The following GRIK4 variants were observed in gnomAD, a reference collection of about 807,000 sequenced individuals.
GRIK4 encodes the protein glutamate ionotropic receptor kainate type subunit 4.
Under a neutral mutation model 104.9 loss-of-function variants are expected in GRIK4, and 40 were observed. The observed-to-expected ratio is 0.38, with a 90% CI of 0.30 to 0.50. The LOEUF (loss-of-function observed/expected upper bound fraction) is 0.50, where lower values mean the gene tolerates loss of function less well. GRIK4 is among the 20% of genes least tolerant of loss of function. The pLI is 0.93. For synonymous variants in GRIK4, 485 were observed against 524.9 expected (o/e 0.92, Z 1.04); for missense variants, 1,047 against 1,308.1 (o/e 0.80, Z 3.08).
chr11:120,977,491 C>T (rs767959737), intron 19 of GRIK4, among the ~76,000 whole-genome samples: 28 of 152,184 alleles, frequency 1.8e-4, no homozygotes, highest in African/African-American at 3.6e-4. Context: ...GGAACTGCTG[C>T]GCTCTCCGAA....
chr11:120,680,264 G>A (rs146388328), intron 3 of GRIK4, among the ~76,000 whole-genome samples: 1,719 of 152,328 alleles, frequency 0.011, 26 homozygotes, highest in Middle Eastern at 0.031. Context: ...TTTTAGTAGA[G>A]ATGGGGTTTT....
chr11:120,948,917 C>T (rs1161555355), intron 14 of GRIK4, among the ~76,000 whole-genome samples: 2 of 152,110 alleles, frequency 1.3e-5, no homozygotes, highest in Admixed American at 6.5e-5. Flanking sequence ...GAAACAGAGA[C>T]CTAGAGGTTA....
At chr11:120,766,171 A>T (rs1027165099) in intron 3 of GRIK4, among the ~76,000 whole-genome samples, 1 of 152,152 alleles carries the variant, frequency 6.6e-6, no homozygotes, top group Non-Finnish European at 1.5e-5. Context: ...GAATCTAGAG[A>T]GGCAGTCTGC....
At chr11:120,831,732 TG>T in intron 6 of GRIK4, 119 bp from the exon 7 acceptor site, 1 of 680,438 alleles carries the variant, frequency 1.5e-6, no homozygotes, top group Non-Finnish European at 2.6e-6. Flanking sequence ...ATGCTGTCAG[TG>T]GGGCCAGACC....
intron 3 of GRIK4, among the ~76,000 whole-genome samples, chr11:120,677,547 C>T (rs1950119307): frequency 6.6e-6 from 1 of 152,198 alleles, no homozygotes; most frequent in Non-Finnish European, 1.5e-5. Flanking sequence ...CTGTTTAGGG[C>T]TCAGCTCTAT....
intron 2 of GRIK4, among the ~76,000 whole-genome samples, chr11:120,657,597 T>C (rs1949732619): frequency 6.6e-6 from 1 of 152,238 alleles, no homozygotes. Context: ...ATCCCAGGCC[T>C]AGACGCATAA....
chr11:120,826,071 C>T (rs1953251093), intron 6 of GRIK4, among the ~76,000 whole-genome samples: 1 of 152,230 alleles, frequency 6.6e-6, no homozygotes, highest in African/African-American at 2.4e-5. Context: ...ACGTGCCCAA[C>T]ACCATGCTAA....
intron 3 of GRIK4, among the ~76,000 whole-genome samples, chr11:120,770,357 T>G (rs1180537391): frequency 6.6e-6 from 1 of 152,192 alleles, no homozygotes; most frequent in Non-Finnish European, 1.5e-5. Context: ...AACTGGGAAG[T>G]CACCCAAAGT....
chr11:120,661,303 G>C (rs1318860589), intron 3 of GRIK4, among the ~76,000 whole-genome samples: 1 of 152,156 alleles, frequency 6.6e-6, no homozygotes, highest in Admixed American at 6.5e-5. Context: ...AACCCAGAAA[G>C]GTAGGTTGAT....
intron 11 of GRIK4, among the ~76,000 whole-genome samples, chr11:120,886,563 G>A (rs1191853020): frequency 6.6e-6 from 1 of 152,182 alleles, no homozygotes; most frequent in East Asian, 1.9e-4. Context: ...AAAGCACCAT[G>A]ACCAGAGGCT....
chr11:120,533,329 G>A (rs1947940941), intron 1 of GRIK4, among the ~76,000 whole-genome samples: 1 of 152,138 alleles, frequency 6.6e-6, no homozygotes, highest in African/African-American at 2.4e-5. Context: ...ACTAAGCATT[G>A]GGCAGAGTTC....
chr11:120,778,973 C>G (rs1952096150), intron 3 of GRIK4, among the ~76,000 whole-genome samples: 1 of 152,190 alleles, frequency 6.6e-6, no homozygotes, highest in South Asian at 2.1e-4. Flanking sequence ...TCTCAGGCCC[C>G]CTGCTGTTCA....
intron 8 of GRIK4, chr11:120,859,513 G>C (rs916799021): frequency 6.6e-6 from 1 of 152,206 alleles, no homozygotes; most frequent in Non-Finnish European, 1.5e-5. Context: ...CGGGCTCTGT[G>C]TGTGGGGAGA....
chr11:120,796,324 C>T (rs928006127), intron 3 of GRIK4, among the ~76,000 whole-genome samples: 2 of 152,132 alleles, frequency 1.3e-5, no homozygotes, highest in African/African-American at 4.8e-5. Flanking sequence ...CGTGAGCCAT[C>T]GTGCCTGGCC....
intron 3 of GRIK4, among the ~76,000 whole-genome samples, chr11:120,701,521 G>A (rs573386260): frequency 7.9e-5 from 12 of 152,306 alleles, no homozygotes; most frequent in East Asian, 1.9e-4. Flanking sequence ...CCACTCATCC[G>A]TTGATAGACA....
rs12224826 is a variant in GRIK4 at position 120,917,789 on chromosome 11, T to C, written c.1476+12296T>C. 8.3e-4 allele frequency among the ~76,000 whole-genome samples: 127 copies of C among 152,340 alleles called. 1 individual carries two copies. In the East Asian group the frequency reaches 0.017, roughly 20 times the overall value. On this transcript the variant is annotated intron_variant, in intron 13 of 20. Transcript: ENST00000527524. ...CTACTGGGAGCTCCTTCAAACCCCA[T>C]TGGGCATCTCAAAGCAGCCTGGGAA... is the stretch of plus-strand genomic sequence containing the variant.
At chr11:120,604,749 A>C (rs971908067) in intron 1 of GRIK4, among the ~76,000 whole-genome samples, 2 of 152,236 alleles carry the variant, frequency 1.3e-5, no homozygotes, top group Non-Finnish European at 2.9e-5. Context: ...GGTGGTTCCC[A>C]AATCTGCCTC....
rs1191460986 is a variant in GRIK4 at position 120,886,043 on chromosome 11, T to C, written c.1164+10800T>C. On this transcript the variant is annotated intron_variant, in intron 11 of 20. Transcript: ENST00000527524. ...GGCAGGTCTTGGCACAAGCTACACA[T>C]TCGAGAGCAGACAAGTACGGTTGAT... is the stretch of plus-strand genomic sequence containing the variant. 2.6e-5 allele frequency among the ~76,000 whole-genome samples: 4 copies of C among 152,348 alleles called. No individual in the cohort carries two copies. In the South Asian group the frequency reaches 6.2e-4, roughly 24 times the overall value.
At chr11:120,710,836 T>C (rs1355934386) in intron 3 of GRIK4, among the ~76,000 whole-genome samples, 1 of 152,178 alleles carries the variant, frequency 6.6e-6, no homozygotes, top group Non-Finnish European at 1.5e-5. Context: ...TAAAATCTGT[T>C]TGTGTGCCTG....
Sources: allele counts gnomAD v4.1 joint callset (sites outside exome capture counted in the v4.1 genomes callset), GRCh38; gene constraint gnomAD v4.1.1; transcripts MANE v1.5; gene names NCBI Gene and HGNC (gene_info 2026-07-23, HGNC 2026-07-21).